Variants in KLF8 observed in about 807,000 individuals in gnomAD.
KLF8 encodes the protein KLF transcription factor 8, also known as Krueppel-like factor 8.
KLF8 carries 10 observed loss-of-function variants against 18.2 expected under a neutral mutation model. The ratio of observed to expected loss-of-function variants is 0.55; its 90% CI spans 0.34 to 0.93. The LOEUF (loss-of-function observed/expected upper bound fraction) is 0.93. Among genes scored for constraint, KLF8 ranks in the 40% least tolerant of loss-of-function variants. The pLI, the probability that KLF8 is intolerant of heterozygous loss-of-function variation, is 0.02. For synonymous variants in KLF8, 109 were observed against 97.3 expected (o/e 1.12, Z -0.71); for missense variants, 264 against 277.9 (o/e 0.95, Z 0.36).
chrX:55,932,140 T>C, the KLF8 span, among the ~76,000 whole-genome samples: 1 of 111,304 alleles, frequency 9.0e-6, no homozygotes, highest in South Asian at 3.8e-4. Flanking sequence ...TTTGTCTTTT[T>C]TGATCTTTGT....
Position 56,233,060 on chromosome X carries a change from G to T in KLF8, c.-275G>T. ...CTACTCTGCCGGCCCCTGATTTTTG[G>T]GTTGGATGCTTGAGAGCTTTGTTTC... On this transcript the variant is annotated 5_prime_UTR_variant, in exon 1 of 6. Coordinates refer to ENST00000468660, the MANE Select transcript of KLF8 (RefSeq NM_007250.5). 2.7e-6 allele frequency: 1 copy of T among 367,034 alleles called. No individual in the cohort carries two copies. Among genetic ancestry groups the T allele is most frequent in the Non-Finnish European group, 4.8e-6 (1 of 207,674 alleles). 30.2% of individuals were successfully genotyped at this position (367,034 alleles called of 1,213,427 possible).
chrX:56,258,458 G>A (rs1367665301), intron 2 of KLF8, among the ~76,000 whole-genome samples: 1 of 111,415 alleles, frequency 9.0e-6, no homozygotes, highest in Non-Finnish European at 1.9e-5. Flanking sequence ...TGTACTGTTA[G>A]TAGAGACAGG....
At chrX:55,980,962 G>T in the KLF8 span, among the ~76,000 whole-genome samples, 1 of 112,279 alleles carries the variant, frequency 8.9e-6, no homozygotes, top group Non-Finnish European at 1.9e-5. Flanking sequence ...GGAGGCCGAG[G>T]CAGGTGAATC....
the KLF8 span, among the ~76,000 whole-genome samples, chrX:56,019,377 G>A: frequency 8.9e-6 from 1 of 112,309 alleles, no homozygotes; most frequent in Non-Finnish European, 1.9e-5. Context: ...CTTTCAGAGA[G>A]TGCTGAGAAT....
At chrX:56,052,917 A>G in the KLF8 span, among the ~76,000 whole-genome samples, 2 of 111,274 alleles carry the variant, frequency 1.8e-5, no homozygotes, top group Admixed American at 1.9e-4. Context: ...GCAATCTGCG[A>G]GACTCCGTGG....
At chrX:56,222,683 C>T in the KLF8 span, among the ~76,000 whole-genome samples, 1 of 112,805 alleles carries the variant, frequency 8.9e-6, no homozygotes. Context: ...GCTTGGGCCG[C>T]GCAGGAGCCC....
the KLF8 span, among the ~76,000 whole-genome samples, chrX:55,963,082 T>G: frequency 8.9e-6 from 1 of 112,276 alleles, no homozygotes; most frequent in Non-Finnish European, 1.9e-5. Flanking sequence ...TCCCTTGTCA[T>G]TGTTGTTTTT....
intron 1 of KLF8, chrX:56,242,906 G>A (rs1346021087): frequency 9.7e-6 from 4 of 414,466 alleles, no homozygotes; most frequent in South Asian, 2.6e-5. Context: ...AAAGATACAC[G>A]TAAATTTAGA....
At chrX:56,121,013 C>T in the KLF8 span, among the ~76,000 whole-genome samples, 1 of 109,599 alleles carries the variant, frequency 9.1e-6, no homozygotes, top group Non-Finnish European at 1.9e-5. Context: ...AGTGAAACCC[C>T]GTCTCTACTG....
the KLF8 span, among the ~76,000 whole-genome samples, chrX:56,202,147 A>T: frequency 1.1e-4 from 12 of 111,007 alleles, no homozygotes; most frequent in Admixed American, 7.7e-4. Flanking sequence ...CCTCCAGGTG[A>T]ACTGTTGGAG....
At chrX:55,946,835 C>T in the KLF8 span, among the ~76,000 whole-genome samples, 1 of 111,476 alleles carries the variant, frequency 9.0e-6, no homozygotes, top group Admixed American at 9.5e-5. Context: ...AGGACATGAA[C>T]AGACACTTCT....
At chrX:56,176,686 C>T in the KLF8 span, among the ~76,000 whole-genome samples, 1 of 111,441 alleles carries the variant, frequency 9.0e-6, no homozygotes, top group Non-Finnish European at 1.9e-5. Context: ...TGGATAATAT[C>T]CTGCAGAGTG....
the KLF8 span, among the ~76,000 whole-genome samples, chrX:55,998,980 C>T: frequency 9.1e-6 from 1 of 109,997 alleles, no homozygotes; most frequent in African/African-American, 3.3e-5. Context: ...TGAGATCTTA[C>T]TTTTAAATCT....
At chrX:56,223,621 G>C in the KLF8 span, among the ~76,000 whole-genome samples, 185 of 112,817 alleles carry the variant, frequency 1.6e-3, 2 homozygotes, top group Non-Finnish European at 2.2e-3. Context: ...CCTAGATTCT[G>C]CCTTCACAGT....
At position 56,286,805 on chromosome X, in the gene KLF8, A is replaced by C. The variant is rs1406247302; in HGVS notation, c.*2311A>C. On this transcript the variant is annotated 3_prime_UTR_variant, in exon 6 of 6. Coordinates refer to ENST00000468660, the MANE Select transcript of KLF8 (RefSeq NM_007250.5). ...CTGATTTTGGGTATACAAGTTCCAA[A>C]CTTGCATAATAATTGCTAACGCACT... 2 of 112,058 alleles carry C rather than the reference A, an allele frequency of 1.8e-5. No homozygotes were observed. Among genetic ancestry groups the C allele is most frequent in the African/African-American group, 6.5e-5 (2 of 30,830 alleles). The allele number at this position is 112,058 out of a possible 1,213,427, so 9.2% of individuals were successfully genotyped here. A position where few individuals can be genotyped will look rare whatever the true frequency, so the allele number is the denominator to read the frequency against.
chrX:56,281,077 C>T lies in KLF8; in HGVS notation c.899-3236C>T, dbSNP rs948423003. Among the ~76,000 whole-genome samples, 3 of 112,099 alleles carry T rather than the reference C, an allele frequency of 2.7e-5. No homozygotes were observed. In the Admixed American group the frequency reaches 2.8e-4, roughly 11 times the overall value. ...TTAAAGTTCTCTATTGTCAATGCAT[C>T]CCCATTATTGCTCACACCTAGGACA... On this transcript the variant is annotated intron_variant, in intron 5 of 5. Coordinates refer to ENST00000468660, the MANE Select transcript of KLF8 (RefSeq NM_007250.5).
At position 56,233,136 on chromosome X, in the gene KLF8, C is replaced by T; in HGVS notation, c.-199C>T. On this transcript the variant is annotated 5_prime_UTR_variant, in exon 1 of 6. Coordinates refer to ENST00000468660, the MANE Select transcript of KLF8 (RefSeq NM_007250.5). ...GGTCTGAATCGACTCCCTCCCCTTT[C>T]GACCCCCTCCTCATTTTCCAGCCCG... is the stretch of plus-strand genomic sequence containing the variant. 2.1e-6 allele frequency: 1 copy of T among 471,598 alleles called. No homozygotes were observed. The highest frequency in any genetic ancestry group is 3.7e-6 in the Non-Finnish European group (1 of 268,010). The allele number at this position is 471,598 out of a possible 1,213,427, so 38.9% of individuals were successfully genotyped here.
the KLF8 span, among the ~76,000 whole-genome samples, chrX:55,945,965 G>A: frequency 4.2e-4 from 46 of 110,815 alleles, no homozygotes; most frequent in Non-Finnish European, 7.4e-4. Flanking sequence ...ACTACAAACT[G>A]CTGCTCAATG....
chrX:56,235,054 A>G (rs1012470012), intron 1 of KLF8, among the ~76,000 whole-genome samples: 4 of 111,009 alleles, frequency 3.6e-5, no homozygotes, highest in African/African-American at 1.3e-4. Context: ...AAAAATAACC[A>G]TGTAGCAGAC....
Sources: allele counts gnomAD v4.1 joint callset (sites outside exome capture counted in the v4.1 genomes callset), GRCh38; gene constraint gnomAD v4.1.1; transcripts MANE v1.5; gene names NCBI Gene and HGNC (gene_info 2026-07-23, HGNC 2026-07-21).